A4GALT: variants seen among roughly 807,000 people sequenced by gnomAD.
A4GALT encodes the protein lactosylceramide 4-alpha-galactosyltransferase.
For missense variants in A4GALT, 512 were observed against 486.0 expected (o/e 1.05, Z -0.50); for synonymous variants, 257 against 220.7 (o/e 1.16, Z -1.46).
Position 42,692,684 on chromosome 22 carries a change from A to G in A4GALT, c.*206T>C, listed in dbSNP as rs1930527534. 5.6e-6 allele frequency: 4 copies of G among 711,638 alleles called. No individual in the cohort carries two copies. The highest frequency in any genetic ancestry group is 3.5e-5 in the African/African-American group (2 of 57,288). The allele number at this position is 711,638 out of a possible 1,614,324, so 44.1% of individuals were successfully genotyped here. A position where few individuals can be genotyped will look rare whatever the true frequency, so the allele number is the denominator to read the frequency against. On this transcript the variant is annotated 3_prime_UTR_variant, in exon 3 of 3. Transcript: ENST00000642412. This position sits in a 1 kb window ranked among gnomAD's most constrained non-coding sequence, Gnocchi z 4.6. Reference sequence around the variant, plus strand: ...AGCGCCCTCCGCTGGCTATGGCACCATGTGTCAGCCCTGCCTCGAGACAGG... The same window carrying G: ...AGCGCCCTCCGCTGGCTATGGCACCGTGTGTCAGCCCTGCCTCGAGACAGG...
At chr22:42,717,515 A>G (rs1432088490) in intron 1 of A4GALT, among the ~76,000 whole-genome samples, 1 of 152,068 alleles carries the variant, frequency 6.6e-6, no homozygotes, top group Non-Finnish European at 1.5e-5. Flanking sequence ...TGTCCTCACC[A>G]GCCCGGGAGG....
chr22:42,693,162 T>C lies in A4GALT; in HGVS notation c.790A>G (p.Ile264Val). Residue 264 changes from isoleucine (I) to valine (V), a missense_variant, in exon 3 of 3, where the codon ATC (isoleucine) becomes GTC (valine). Transcript: ENST00000642412. ...GCGCGGCTCTCGGCCAGGCTGCGGA[T>C]GGAACACCACTTCTTGAAGACCCGC... ...LTRVFKKWCS[I>V]RSLAESRACR... The C allele has an allele frequency of 6.3e-7, 1 of 1,598,042 alleles. No individual in the cohort carries two copies. The highest frequency in any genetic ancestry group is 8.5e-7 in the Non-Finnish European group (1 of 1,173,526).
chr22:42,698,031 A>G lies in A4GALT; in HGVS notation c.-187-2400T>C, dbSNP rs558320984. On this transcript the variant is annotated intron_variant, in intron 1 of 2. Transcript: ENST00000642412. ...TTTGGGAGGCTGAGGTGGGCGGATC[A>G]TGAAGTCAGGAGATTAAGACCATCC... 8.5e-5 allele frequency among the ~76,000 whole-genome samples: 13 copies of G among 152,142 alleles called. No individual in the cohort carries two copies. The East Asian group carries it at 2.5e-3, about 30-fold the overall frequency.
chr22:42,700,749 G>A (rs1260767979), intron 1 of A4GALT, among the ~76,000 whole-genome samples: 1 of 152,224 alleles, frequency 6.6e-6, no homozygotes, highest in East Asian at 1.9e-4. Context: ...CTCCACTTTG[G>A]AGGGATGGAG....
At chr22:42,703,075 G>T (rs1333679917) in intron 1 of A4GALT, among the ~76,000 whole-genome samples, 1 of 149,378 alleles carries the variant, frequency 6.7e-6, no homozygotes, top group Non-Finnish European at 1.5e-5. Flanking sequence ...GTGTGTGTGT[G>T]TGTGTGTGTG....
chr22:42,704,044 C>A (rs1920950261), intron 1 of A4GALT, among the ~76,000 whole-genome samples: 1 of 152,174 alleles, frequency 6.6e-6, no homozygotes, highest in African/African-American at 2.4e-5. Context: ...AAACTCAATG[C>A]CCAGAGCTTC....
rs1921750401 is a variant in A4GALT, at chr22:42,712,112, G to A, written c.-188+8685C>T. 3.3e-5 allele frequency among the ~76,000 whole-genome samples: 5 copies of A among 152,314 alleles called. No homozygotes were observed. The South Asian group carries it at 1.0e-3, about 32-fold the overall frequency. On this transcript the variant is annotated intron_variant, in intron 1 of 2. Transcript: ENST00000642412. ...CATGCCTTTAGCTCTTCATGGTAAAGTACCTGACTACTTGCCAGTCCCAAG... is the reference window on the plus strand; with the variant it reads ...CATGCCTTTAGCTCTTCATGGTAAAATACCTGACTACTTGCCAGTCCCAAG...
intron 1 of A4GALT, among the ~76,000 whole-genome samples, chr22:42,696,524 G>T (rs1407566931): frequency 1.3e-5 from 2 of 152,030 alleles, no homozygotes; most frequent in African/African-American, 2.4e-5. Flanking sequence ...AGGTCAGATG[G>T]AGGAGACAGT....
At chr22:42,695,306 T>G (rs1170213378) in intron 2 of A4GALT, 185 bp downstream of exon 2, 1 of 152,254 alleles carries the variant, frequency 6.6e-6, no homozygotes, top group Non-Finnish European at 1.5e-5. Context: ...GTCAAGGGAC[T>G]GGGTGCAACC....
At chr22:42,716,464 G>C (rs970127155) in intron 1 of A4GALT, among the ~76,000 whole-genome samples, 1 of 152,114 alleles carries the variant, frequency 6.6e-6, no homozygotes, top group Non-Finnish European at 1.5e-5. Context: ...TGGTCAAAGT[G>C]GTTTCCTGCT....
At chr22:42,700,408 G>A (rs775204967) in intron 1 of A4GALT, among the ~76,000 whole-genome samples, 30 of 152,330 alleles carry the variant, frequency 2.0e-4, no homozygotes, top group Non-Finnish European at 3.7e-4. Context: ...GCAAAGCCAC[G>A]GTCGGGTGGT....
intron 1 of A4GALT, among the ~76,000 whole-genome samples, chr22:42,717,729 ATC>A (rs1252544464): frequency 6.6e-6 from 1 of 152,044 alleles, no homozygotes; most frequent in Admixed American, 6.6e-5. Context: ...GCTCCTCTCT[ATC>A]TCTCTGTCTC....
rs745485742 is a variant in A4GALT, at chr22:42,693,141, G to C, written c.811C>G (p.Arg271Gly). ...AGGGTGGTGACGCCGCGGCAGGCGC[G>C]GCTCTCGGCCAGGCTGCGGATGGAA... Reference protein sequence around the residue: ...WCSIRSLAESRACRGVTTLPP... With the variant: ...WCSIRSLAESGACRGVTTLPP... Residue 271 changes from arginine (R) to glycine (G), a missense_variant, in exon 3 of 3, where the codon CGC (arginine) becomes GGC (glycine). Transcript: ENST00000642412. The C allele has an allele frequency of 6.2e-6, 10 of 1,602,952 alleles. No individual in the cohort carries two copies. Among genetic ancestry groups the C allele is most frequent in the Non-Finnish European group, 7.7e-6 (9 of 1,175,698 alleles).
At chr22:42,697,942 TGAG>T (rs1185691616) in intron 1 of A4GALT, among the ~76,000 whole-genome samples, 1 of 151,896 alleles carries the variant, frequency 6.6e-6, no homozygotes, top group Non-Finnish European at 1.5e-5. Flanking sequence ...AGGCAGGAAG[TGAG>T]GAGAGAGGAG....
In A4GALT at chr22:42,693,733, GC is replaced by G. The variant is rs1665440216; in HGVS notation, c.218del (p.Gly73AlafsTer41). 6 of 1,600,050 alleles carry G rather than the reference GC, an allele frequency of 3.7e-6. No homozygotes were observed. In the South Asian group the frequency reaches 6.6e-5, roughly 18 times the overall value. On this transcript the variant is annotated frameshift_variant, in exon 3 of 3. Coordinates refer to ENST00000642412, the MANE Select transcript of A4GALT (RefSeq NM_017436.7). LOFTEE classifies it low-confidence loss of function (END_TRUNC). ...TLTPPTPPSH[G>X]PTPGNIFFLE... is the part of the protein sequence containing the mutation. ...GGAAGAAGATGTTGCCTGGAGTGGG[GC>G]CGTGGGAGGGTGGGGTGGGGGGTGT...
rs7364250 is a variant in A4GALT, at chr22:42,713,331, T to G, written c.-188+7466A>C. 3.6e-3 allele frequency among the ~76,000 whole-genome samples: 553 copies of G among 152,310 alleles called. 3 individuals are homozygous for G. Among genetic ancestry groups the G allele is most frequent in the African/African-American group, 0.013 (527 of 41,572 alleles). On this transcript the variant is annotated intron_variant, in intron 1 of 2. Transcript: ENST00000642412. ...CTCAACCTCGTGCAAGAAGTCATCCTGGAAAGAAACCAGACAAGTCCCCAG... is the reference window on the plus strand; with the variant it reads ...CTCAACCTCGTGCAAGAAGTCATCCGGGAAAGAAACCAGACAAGTCCCCAG...
At chr22:42,698,065 A>G (rs2146970183) in intron 1 of A4GALT, among the ~76,000 whole-genome samples, 1 of 152,226 alleles carries the variant, frequency 6.6e-6, no homozygotes, top group Admixed American at 6.5e-5. Flanking sequence ...CCTGGCCAAC[A>G]CGGTGAAACC....
At chr22:42,694,487 G>C (rs745582843) in intron 2 of A4GALT, 21 of 165,700 alleles carry the variant, frequency 1.3e-4, no homozygotes, top group Admixed American at 3.9e-4. Context: ...GAGGTCTGGG[G>C]CTCCGGCAGG....
At chr22:42,706,660 T>A (rs945745195) in intron 1 of A4GALT, among the ~76,000 whole-genome samples, 1 of 151,966 alleles carries the variant, frequency 6.6e-6, no homozygotes, top group Admixed American at 6.6e-5. Context: ...CTGGGCATGG[T>A]GGCAGGTGCC....
Sources: allele counts gnomAD v4.1 joint callset (sites outside exome capture counted in the v4.1 genomes callset), GRCh38; gene constraint gnomAD v4.1.1; non-coding constraint Gnocchi (gnomAD v3.1); transcripts MANE v1.5; gene names NCBI Gene and HGNC (gene_info 2026-07-23, HGNC 2026-07-21).